The following NR5A2 variants were observed in gnomAD, a reference collection of about 807,000 sequenced individuals.
NR5A2 encodes nuclear receptor subfamily 5 group A member 2.
NR5A2 carries 26 observed loss-of-function variants against 62.7 expected under a neutral mutation model. That is an observed-to-expected ratio of 0.41 (90% CI 0.30 to 0.58). The LOEUF is 0.58. Among genes scored for constraint, NR5A2 ranks in the 20% least tolerant of loss-of-function variants. NR5A2 has a pLI of 0.22. For missense variants in NR5A2, 541 were observed against 669.1 expected (o/e 0.81, Z 2.11); for synonymous variants, 246 against 241.7 (o/e 1.02, Z -0.16).
At chr1:200,156,371 T>C (rs1017062705) in intron 7 of NR5A2, among the ~76,000 whole-genome samples, 2 of 152,172 alleles carry the variant, frequency 1.3e-5, no homozygotes, top group African/African-American at 4.8e-5. Context: ...CCACATCCAG[T>C]AGAAACCATA....
chr1:200,035,059 T>G (rs2102137132), intron 1 of NR5A2, among the ~76,000 whole-genome samples: 1 of 151,656 alleles, frequency 6.6e-6, no homozygotes, highest in East Asian at 2.0e-4. Context: ...TTCTGATGGG[T>G]TTTTCGGCTG....
intron 4 of NR5A2, among the ~76,000 whole-genome samples, chr1:200,046,459 G>A (rs1415870299): frequency 6.6e-6 from 1 of 152,050 alleles, no homozygotes; most frequent in Non-Finnish European, 1.5e-5. Context: ...GATGGTGCTA[G>A]ATACAAGAGT....
intron 2 of NR5A2, among the ~76,000 whole-genome samples, chr1:200,040,082 T>A (rs767341311): frequency 6.6e-6 from 1 of 152,168 alleles, no homozygotes; most frequent in African/African-American, 2.4e-5. Flanking sequence ...AGGCTAAAGG[T>A]ACTTTAGAAT....
chr1:200,045,387 T>C, intron 3 of NR5A2, 56 bp from the exon 4 acceptor site: 1 of 1,460,078 alleles, frequency 6.8e-7, no homozygotes, highest in Non-Finnish European at 9.2e-7. Context: ...AATGAAACAA[T>C]GGAAAAGACG....
chr1:200,083,374 A>G (rs1229918332), intron 5 of NR5A2, among the ~76,000 whole-genome samples: 1 of 152,218 alleles, frequency 6.6e-6, no homozygotes, highest in African/African-American at 2.4e-5. Flanking sequence ...GTAATTTTCA[A>G]TACAATGCTC....
At chr1:200,067,717 A>AC (rs1415339709) in intron 5 of NR5A2, among the ~76,000 whole-genome samples, 6 of 152,064 alleles carry the variant, frequency 3.9e-5, no homozygotes, top group African/African-American at 1.4e-4. Flanking sequence ...TGTACAACAG[A>AC]CCCCCATGAC....
At chr1:200,103,185 G>A (rs907002707) in intron 5 of NR5A2, among the ~76,000 whole-genome samples, 1 of 144,908 alleles carries the variant, frequency 6.9e-6, no homozygotes, top group African/African-American at 2.5e-5. Context: ...GTGCAATGGA[G>A]TGGTCTCGGC....
At chr1:200,159,561 C>T (rs1653541408) in intron 7 of NR5A2, among the ~76,000 whole-genome samples, 1 of 152,060 alleles carries the variant, frequency 6.6e-6, no homozygotes, top group African/African-American at 2.4e-5. Flanking sequence ...ATACATTATA[C>T]CAAATAAACT....
chr1:200,069,261 C>CAT (rs1663629239), intron 5 of NR5A2, among the ~76,000 whole-genome samples: 1 of 149,052 alleles, frequency 6.7e-6, no homozygotes, highest in East Asian at 2.0e-4. Flanking sequence ...AATTCATATT[C>CAT]TTTTTTTTTT....
chr1:200,119,960 T>C (rs1461889432), intron 6 of NR5A2, among the ~76,000 whole-genome samples: 1 of 152,144 alleles, frequency 6.6e-6, no homozygotes, highest in Non-Finnish European at 1.5e-5. Context: ...CTTTTTTTGC[T>C]TCCAGACAAC....
intron 5 of NR5A2, chr1:200,057,783 A>T (rs1662986069): frequency 5.7e-6 from 1 of 176,076 alleles, no homozygotes; most frequent in Non-Finnish European, 1.2e-5. Context: ...GCCTGGCCGT[A>T]ATTGTGCTTT....
chr1:200,176,393 C>T lies in NR5A2; in HGVS notation c.*2183C>T, dbSNP rs1017696014. On this transcript the variant is annotated 3_prime_UTR_variant, in exon 8 of 8. Coordinates refer to ENST00000367362, the MANE Select transcript of NR5A2 (RefSeq NM_205860.3). ...TGACTCATGCGCAGTCTCAGTCACC[C>T]GTGTTATCTTCGTGGCTCAAAGGAC... 1 of 152,598 alleles carries T rather than the reference C, an allele frequency of 6.6e-6. No homozygotes were observed. The highest frequency in any genetic ancestry group is 2.4e-5 in the African/African-American group (1 of 41,442). The allele number at this position is 152,598 out of a possible 1,614,324, so 9.5% of individuals were successfully genotyped here.
At chr1:200,068,201 C>T (rs1325981700) in intron 5 of NR5A2, among the ~76,000 whole-genome samples, 1 of 152,112 alleles carries the variant, frequency 6.6e-6, no homozygotes, top group Non-Finnish European at 1.5e-5. Context: ...GCACAAGAAT[C>T]CAAGCTATAG....
At chr1:200,126,231 T>C (rs1666695056) in intron 7 of NR5A2, among the ~76,000 whole-genome samples, 1 of 152,200 alleles carries the variant, frequency 6.6e-6, no homozygotes, top group Non-Finnish European at 1.5e-5. Context: ...TTCTCTTTGT[T>C]GTGGCTACTT....
chr1:200,132,420 G>A (rs1667007012), intron 7 of NR5A2, among the ~76,000 whole-genome samples: 1 of 152,208 alleles, frequency 6.6e-6, no homozygotes, highest in African/African-American at 2.4e-5. Context: ...ACCAAGCGAA[G>A]AGTCCAAAAC....
intron 7 of NR5A2, among the ~76,000 whole-genome samples, chr1:200,151,936 C>A (rs1261041469): frequency 1.3e-5 from 2 of 152,190 alleles, no homozygotes; most frequent in African/African-American, 4.8e-5. Context: ...AGTAATATTA[C>A]CAGGGTCTTA....
chr1:200,123,569 A>C (rs925437915), intron 7 of NR5A2, among the ~76,000 whole-genome samples: 1 of 152,148 alleles, frequency 6.6e-6, no homozygotes, highest in East Asian at 1.9e-4. Context: ...AGAAGAAGTA[A>C]GTGCCATGGC....
chr1:200,104,459 G>A (rs1665547729), intron 5 of NR5A2, among the ~76,000 whole-genome samples: 1 of 152,142 alleles, frequency 6.6e-6, no homozygotes, highest in Non-Finnish European at 1.5e-5. Flanking sequence ...GATATGGTAA[G>A]TTGATTTTGA....
Position 200,177,281 on chromosome 1 carries a change from C to G in NR5A2, c.*3071C>G, listed in dbSNP as rs1000162177. On this transcript the variant is annotated 3_prime_UTR_variant, in exon 8 of 8. Transcript: ENST00000367362. ...CCATGCAATGTTTAGAGTGTGAAGT[C>G]AGTTACTTGTTGATGTTTTCTTACT... The G allele has an allele frequency of 1.3e-5, 2 of 152,604 alleles. No homozygotes were observed. The highest frequency in any genetic ancestry group is 4.8e-5 in the African/African-American group (2 of 41,458). 9.5% of individuals were successfully genotyped at this position (152,604 alleles called of 1,614,324 possible).
Sources: allele counts gnomAD v4.1 joint callset (sites outside exome capture counted in the v4.1 genomes callset), GRCh38; gene constraint gnomAD v4.1.1; transcripts MANE v1.5; gene names NCBI Gene and HGNC (gene_info 2026-07-23, HGNC 2026-07-21).